Variants in FMNL2 observed in about 807,000 individuals in gnomAD.
FMNL2 encodes formin like 2.
In FMNL2, 51 loss-of-function variants were observed where a neutral mutation model predicts 130.2. The ratio of observed to expected loss-of-function variants is 0.39; its 90% CI spans 0.31 to 0.49. FMNL2 has a LOEUF of 0.49. FMNL2 is among the 20% of genes least tolerant of loss of function. FMNL2 has a pLI of 0.85. For missense variants in FMNL2, 977 were observed against 1,316.2 expected, an observed-to-expected ratio of 0.74 and a Z score of 3.99; for synonymous variants, 465 against 467.1, an observed-to-expected ratio of 1.00 and a Z score of 0.06.
At chr2:152,361,364 T>TG (rs1683165816) in intron 1 of FMNL2, among the ~76,000 whole-genome samples, 1 of 152,186 alleles carries the variant, frequency 6.6e-6, no homozygotes, top group South Asian at 2.1e-4. Context: ...GGCAGCCTTT[T>TG]GGGGTGTGTG....
At chr2:152,384,752 G>A (rs993903107) in intron 1 of FMNL2, among the ~76,000 whole-genome samples, 6 of 152,136 alleles carry the variant, frequency 3.9e-5, no homozygotes, top group Non-Finnish European at 8.8e-5. Context: ...TTCTGGTGGG[G>A]GCCATTATAT....
intron 1 of FMNL2, among the ~76,000 whole-genome samples, chr2:152,461,064 G>A (rs575159963): frequency 1.9e-3 from 295 of 152,244 alleles, no homozygotes; most frequent in Non-Finnish European, 3.4e-3. Context: ...AAAGGTTGGG[G>A]GCTGCTGCTG....
Position 152,629,706 on chromosome 2 carries a change from A to G in FMNL2, c.2451A>G (p.Lys817=). The change falls in exon 19 of 26, where the codon AAA becomes AAG. Residue 817 remains lysine, a synonymous_variant. Transcript: ENST00000288670. ...CTGTCTCTATAAAGTCGTCCCAAAA[A>G]CTCAAGAAAATTCTGGAGGCAAGTG... The part of the protein sequence containing the change: ...AASVSIKSSQ[K]LKKILEIILA... 1 of 1,603,184 alleles carries G rather than the reference A, an allele frequency of 6.2e-7. No homozygotes were observed. Among genetic ancestry groups the G allele is most frequent in the South Asian group, 1.1e-5 (1 of 89,172 alleles).
Position 152,596,050 on chromosome 2 carries a change from C to G in FMNL2, c.877-11289C>G, listed in dbSNP as rs186840219. Among the ~76,000 whole-genome samples, 860 of 151,628 alleles carry G rather than the reference C, an allele frequency of 5.7e-3. 7 individuals are homozygous for G. The highest frequency in any genetic ancestry group is 8.4e-3 in the Non-Finnish European group (567 of 67,904). ...CCATCTCGGCTCACTGCAACCTCCT[C>G]CTCTCAGGTTTAAGCGATTCTCCCG... is the stretch of plus-strand genomic sequence containing the variant. On this transcript the variant is annotated intron_variant, in intron 9 of 25. Transcript: ENST00000288670.
intron 1 of FMNL2, among the ~76,000 whole-genome samples, chr2:152,491,401 G>T (rs759747897): frequency 6.6e-6 from 1 of 152,138 alleles, no homozygotes; most frequent in South Asian, 2.1e-4. Flanking sequence ...ATGGCTGCCG[G>T]CCTGCCAGGA....
chr2:152,533,169 T>G (rs1274832823), intron 2 of FMNL2, among the ~76,000 whole-genome samples: 1 of 152,194 alleles, frequency 6.6e-6, no homozygotes, highest in Non-Finnish European at 1.5e-5. Flanking sequence ...GATTATCTCT[T>G]ATGTTTTCTT....
chr2:152,446,096 C>T (rs1006532111), intron 1 of FMNL2, among the ~76,000 whole-genome samples: 2 of 152,112 alleles, frequency 1.3e-5, no homozygotes, highest in Non-Finnish European at 2.9e-5. Flanking sequence ...ATGTGTGTGG[C>T]GCATGTAGGC....
chr2:152,406,723 T>G (rs1279284343), intron 1 of FMNL2, among the ~76,000 whole-genome samples: 2 of 152,216 alleles, frequency 1.3e-5, no homozygotes, highest in African/African-American at 4.8e-5. Context: ...ATTTAGAATT[T>G]AACCATATGA....
At chr2:152,505,345 G>A (rs1239788737) in intron 1 of FMNL2, among the ~76,000 whole-genome samples, 2 of 152,054 alleles carry the variant, frequency 1.3e-5, no homozygotes, top group Non-Finnish European at 1.5e-5. Flanking sequence ...TTATCTAAGG[G>A]CAGGTTGAGT....
At position 152,628,241 on chromosome 2, in the gene FMNL2, T is replaced by C. The variant is rs1681929688; in HGVS notation, c.2166-58T>C. 3.4e-6 allele frequency: 5 copies of C among 1,460,374 alleles called. 1 individual carries two copies. The Admixed American group carries it at 6.8e-5, about 20-fold the overall frequency. The allele number at this position is 1,460,374 out of a possible 1,614,324, so 90.5% of individuals were successfully genotyped here. ...ATGAACCTGAAAAGATGGATGAACT[T>C]GAAAAGGGGGTAGGAGGTTTTTCTC... On this transcript the variant is annotated intron_variant, in intron 17 of 25. Transcript: ENST00000288670.
At chr2:152,485,154 TG>T (rs1690746715) in intron 1 of FMNL2, among the ~76,000 whole-genome samples, 2 of 152,312 alleles carry the variant, frequency 1.3e-5, no homozygotes, top group South Asian at 4.1e-4. Flanking sequence ...GAGATCATTC[TG>T]GGCAACACAG....
intron 12 of FMNL2, among the ~76,000 whole-genome samples, chr2:152,615,647 T>C (rs1199472039): frequency 6.6e-6 from 1 of 152,220 alleles, no homozygotes; most frequent in Non-Finnish European, 1.5e-5. Flanking sequence ...TAGAGATTAT[T>C]TGTTCATTCA....
intron 2 of FMNL2, among the ~76,000 whole-genome samples, chr2:152,532,248 AAAT>A (rs1475927385): frequency 6.6e-6 from 1 of 152,242 alleles, no homozygotes; most frequent in Non-Finnish European, 1.5e-5. Context: ...GTAACAAAGT[AAAT>A]AAATAATATC....
At chr2:152,625,623 G>C (rs569650813) in intron 16 of FMNL2, 61 bp downstream of exon 16, 6 of 1,538,592 alleles carry the variant, frequency 3.9e-6, no homozygotes, top group Admixed American at 1.8e-5. Flanking sequence ...CGGCATGGGT[G>C]TTCTGTTAAC....
chr2:152,355,697 A>G (rs1682742107), intron 1 of FMNL2, among the ~76,000 whole-genome samples: 1 of 152,192 alleles, frequency 6.6e-6, no homozygotes, highest in South Asian at 2.1e-4. Context: ...GACCCTTGTC[A>G]TAGTCATAGT....
chr2:152,399,326 TG>T (rs1685559822), intron 1 of FMNL2, among the ~76,000 whole-genome samples: 1 of 152,128 alleles, frequency 6.6e-6, no homozygotes, highest in Non-Finnish European at 1.5e-5. Context: ...GGAGGATGTT[TG>T]AAATGATGGT....
At chr2:152,533,982 T>C (rs1693849909) in intron 2 of FMNL2, among the ~76,000 whole-genome samples, 1 of 152,206 alleles carries the variant, frequency 6.6e-6, no homozygotes, top group African/African-American at 2.4e-5. Context: ...GTTTATGTTA[T>C]ATCATCGTAC....
At position 152,343,357 on chromosome 2, in the gene FMNL2, G is replaced by A. The variant is rs923586261; in HGVS notation, c.117+7637G>A. On this transcript the variant is annotated intron_variant, in intron 1 of 25. Transcript: ENST00000288670. Reference sequence around the variant, plus strand: ...GTCATCTGGGCTGGCGTACAGTGGCGTGATCTCAGCTCACTGCAACCTCTG... The same window carrying A: ...GTCATCTGGGCTGGCGTACAGTGGCATGATCTCAGCTCACTGCAACCTCTG... Among the ~76,000 whole-genome samples the A allele has an allele frequency of 9.2e-5, 14 of 152,148 alleles. 1 individual carries two copies. Among genetic ancestry groups the A allele is most frequent in the African/African-American group, 2.7e-4 (11 of 41,432 alleles).
chr2:152,404,304 C>T (rs552012490), intron 1 of FMNL2, among the ~76,000 whole-genome samples: 1 of 152,312 alleles, frequency 6.6e-6, no homozygotes, highest in East Asian at 1.9e-4. Context: ...TCCTTTCCTA[C>T]ATAAACATTT....
Sources: allele counts gnomAD v4.1 joint callset (sites outside exome capture counted in the v4.1 genomes callset), GRCh38; gene constraint gnomAD v4.1.1; transcripts MANE v1.5; gene names NCBI Gene and HGNC (gene_info 2026-07-23, HGNC 2026-07-21).